Variants in RBFOX1 observed in about 807,000 individuals in gnomAD.
The protein encoded by RBFOX1 is RNA binding fox-1 homolog 1.
A neutral mutation model predicts 57.7 loss-of-function variants in RBFOX1; 8 were observed. That is an observed-to-expected ratio of 0.14 (90% CI 0.08 to 0.25). The LOEUF (loss-of-function observed/expected upper bound fraction) is 0.25, where lower values mean the gene tolerates loss of function less well. Among genes scored for constraint, RBFOX1 ranks in the 10% least tolerant of loss-of-function variants. The pLI, the probability that RBFOX1 is intolerant of heterozygous loss-of-function variation, is 1.00. For missense variants in RBFOX1, 611 were observed against 548.5 expected (o/e 1.11, Z -1.14); for synonymous variants, 326 against 222.4 (o/e 1.47, Z -4.15).
intron 4 of RBFOX1, among the ~76,000 whole-genome samples, chr16:7,257,824 G>C (rs76754596): frequency 6.6e-6 from 1 of 152,172 alleles, no homozygotes; most frequent in South Asian, 2.1e-4. Context: ...CAAGCATTTA[G>C]CTAAGGAAAT....
At chr16:6,114,009 C>G (rs2096472861) in intron 1 of RBFOX1, among the ~76,000 whole-genome samples, 1 of 151,046 alleles carries the variant, frequency 6.6e-6, no homozygotes. Context: ...CTAAGCATGA[C>G]TATTCAAACT....
chr16:5,321,217 A>G (rs972960228), intron 1 of RBFOX1, among the ~76,000 whole-genome samples: 1 of 152,220 alleles, frequency 6.6e-6, no homozygotes, highest in African/African-American at 2.4e-5. Context: ...ACCACCAACT[A>G]AAAATGTCTC....
intron 3 of RBFOX1, among the ~76,000 whole-genome samples, chr16:6,964,409 T>G (rs2083656888): frequency 1.3e-5 from 2 of 152,168 alleles, no homozygotes; most frequent in South Asian, 4.1e-4. Context: ...ACCCACACAA[T>G]ATACAACATC....
chr16:6,515,068 A>C (rs1294040650), intron 2 of RBFOX1, among the ~76,000 whole-genome samples: 1 of 152,194 alleles, frequency 6.6e-6, no homozygotes, highest in Non-Finnish European at 1.5e-5. Context: ...AAGGAAGAAA[A>C]GAATGGAAGG....
chr16:5,776,936 C>G (rs79654624), intron 3 of RBFOX1, among the ~76,000 whole-genome samples: 1 of 152,074 alleles, frequency 6.6e-6, no homozygotes, highest in African/African-American at 2.4e-5. Flanking sequence ...CTTAAGATGA[C>G]TCTGGAATTG....
intron 4 of RBFOX1, among the ~76,000 whole-genome samples, chr16:7,453,436 C>G (rs116626165): frequency 1.2e-4 from 18 of 152,036 alleles, no homozygotes; most frequent in Non-Finnish European, 1.9e-4. Context: ...CGGCCATGAT[C>G]GGGAGTTATG....
intron 3 of RBFOX1, among the ~76,000 whole-genome samples, chr16:6,907,966 G>C (rs538670546): frequency 6.6e-6 from 1 of 151,640 alleles, no homozygotes; most frequent in Non-Finnish European, 1.5e-5. Context: ...AGTTCTCCCC[G>C]TGAGCATGGA....
intron 3 of RBFOX1, among the ~76,000 whole-genome samples, chr16:5,705,632 A>G (rs928538471): frequency 1.3e-5 from 2 of 152,176 alleles, no homozygotes; most frequent in African/African-American, 4.8e-5. Context: ...CTAATAATCA[A>G]TGTGGGACCA....
rs1258980289 is a variant in RBFOX1 at position 7,029,210 on chromosome 16, GTA to G, written c.-15-22838_-15-22837del. Among the ~76,000 whole-genome samples the G allele has an allele frequency of 5.0e-4, 26 of 52,254 alleles. 2 individuals are homozygous for G. The highest frequency in any genetic ancestry group is 7.8e-4 in the Non-Finnish European group (21 of 27,054). 34.3% of individuals were successfully genotyped at this position (52,254 alleles called of 152,430 possible). A position where few individuals can be genotyped will look rare whatever the true frequency, so the allele number is the denominator to read the frequency against. On this transcript the variant is annotated intron_variant, in intron 3 of 15. Transcript: ENST00000550418. The stretch of plus-strand genomic sequence containing the variant: ...TATATACACATATGTATACGTATAC[GTA>G]TATATATACACACATATATATACGT...
chr16:6,412,734 G>A (rs146242383), intron 2 of RBFOX1, among the ~76,000 whole-genome samples: 66 of 152,286 alleles, frequency 4.3e-4, no homozygotes, highest in African/African-American at 5.5e-4. Flanking sequence ...TAATGGACAT[G>A]TGAAGCACTT....
At chr16:6,353,960 C>G (rs978157087) in intron 2 of RBFOX1, among the ~76,000 whole-genome samples, 1 of 152,130 alleles carries the variant, frequency 6.6e-6, no homozygotes, top group Non-Finnish European at 1.5e-5. Flanking sequence ...CAGTTCACGC[C>G]TGTAGTCCCA....
At chr16:6,944,092 G>A (rs951228925) in intron 3 of RBFOX1, among the ~76,000 whole-genome samples, 1 of 152,054 alleles carries the variant, frequency 6.6e-6, no homozygotes, top group Non-Finnish European at 1.5e-5. Flanking sequence ...GCCCAGGCTA[G>A]ACTCTACTTA....
intron 3 of RBFOX1, among the ~76,000 whole-genome samples, chr16:5,834,896 T>C (rs1463319934): frequency 6.6e-6 from 1 of 152,210 alleles, no homozygotes; most frequent in Non-Finnish European, 1.5e-5. Context: ...ATGGTAGATC[T>C]ACTTTCAGAT....
intron 4 of RBFOX1, among the ~76,000 whole-genome samples, chr16:5,986,821 T>G (rs2060295624): frequency 6.6e-6 from 1 of 152,196 alleles, no homozygotes; most frequent in African/African-American, 2.4e-5. Context: ...GTGAGTGAAG[T>G]TGCTGTAAAC....
chr16:7,694,737 A>G (rs2078258610), intron 14 of RBFOX1, among the ~76,000 whole-genome samples: 1 of 152,162 alleles, frequency 6.6e-6, no homozygotes, highest in Non-Finnish European at 1.5e-5. Context: ...TTCCTGCAAT[A>G]CAAAAGTTGT....
intron 3 of RBFOX1, among the ~76,000 whole-genome samples, chr16:6,898,954 A>G (rs1252819144): frequency 6.6e-6 from 1 of 151,346 alleles, no homozygotes; most frequent in Non-Finnish European, 1.5e-5. Context: ...TGTGTATAAT[A>G]CATTGTGTAT....
intron 1 of RBFOX1, among the ~76,000 whole-genome samples, chr16:5,357,465 G>T (rs546733180): frequency 5.3e-5 from 8 of 152,360 alleles, no homozygotes; most frequent in African/African-American, 1.9e-4. Context: ...AGGAGACTGA[G>T]TCCCACAGGG....
chr16:5,539,833 G>C (rs546195389), intron 2 of RBFOX1, among the ~76,000 whole-genome samples: 4 of 152,298 alleles, frequency 2.6e-5, no homozygotes, highest in South Asian at 4.1e-4. Context: ...TGAATTGGAA[G>C]AGTGACATGG....
intron 4 of RBFOX1, among the ~76,000 whole-genome samples, chr16:5,955,331 TAAAATAAAATAAAATAAAATAAATA>T (rs1567187646): frequency 0.024 from 1,086 of 45,616 alleles, 46 homozygotes; most frequent in Middle Eastern, 0.095. Context: ...TAAAATAAAA[TAAAATAAAATAAAATAAAATAAATA>T]AAAATAAAAT....
Sources: allele counts gnomAD v4.1 joint callset (sites outside exome capture counted in the v4.1 genomes callset), GRCh38; gene constraint gnomAD v4.1.1; transcripts MANE v1.5; gene names NCBI Gene and HGNC (gene_info 2026-07-23, HGNC 2026-07-21).